The following HDAC9 variants were observed in gnomAD, a reference collection of about 807,000 sequenced individuals.
The protein encoded by HDAC9 is histone deacetylase 9, also known as MEF-2 interacting transcription repressor (MITR) protein.
In HDAC9, 41 loss-of-function variants were observed where a neutral mutation model predicts 139.4. The ratio of observed to expected loss-of-function variants is 0.29; its 90% CI spans 0.23 to 0.38. HDAC9 has a LOEUF of 0.38. Ranked by LOEUF, HDAC9 falls within the 10% of genes least tolerant of loss-of-function variation. The pLI is 1.00. For missense variants in HDAC9, 1,147 were observed against 1,297.0 expected (o/e 0.88, Z 1.78); for synonymous variants, 517 against 476.2 (o/e 1.09, Z -1.12).
At chr7:18,692,973 T>A (rs1342925674) in intron 12 of HDAC9, among the ~76,000 whole-genome samples, 1 of 152,084 alleles carries the variant, frequency 6.6e-6, no homozygotes, top group Admixed American at 6.6e-5. Context: ...CTATACTGTT[T>A]TAAAGACTAA....
At chr7:18,483,224 G>C (rs914063990) in intron 1 of HDAC9, among the ~76,000 whole-genome samples, 1 of 152,190 alleles carries the variant, frequency 6.6e-6, no homozygotes, top group Non-Finnish European at 1.5e-5. Flanking sequence ...GCTTCAATGA[G>C]TATTATGTAA....
chr7:18,511,664 T>A lies in HDAC9; in HGVS notation c.22+15340T>A, dbSNP rs568589973. Among the ~76,000 whole-genome samples the A allele has an allele frequency of 2.0e-5, 3 of 152,156 alleles. No homozygotes were observed. In the South Asian group the frequency reaches 6.2e-4, roughly 32 times the overall value. On this transcript the variant is annotated intron_variant, in intron 2 of 25. Transcript: ENST00000686413. ...TGTTTAGTGGACACAGGAGACAACA[T>A]TGTTCTATTTGATTATCTACTGCCC...
At chr7:18,796,943 A>C (rs1277433275) in intron 17 of HDAC9, among the ~76,000 whole-genome samples, 1 of 152,210 alleles carries the variant, frequency 6.6e-6, no homozygotes, top group African/African-American at 2.4e-5. Flanking sequence ...AAAACAAACA[A>C]AAACAAAAAA....
chr7:18,349,102 A>G (rs1223975385), intron 1 of HDAC9, among the ~76,000 whole-genome samples: 3 of 151,976 alleles, frequency 2.0e-5, no homozygotes, highest in Non-Finnish European at 1.5e-5. Context: ...TGGCTTCCTA[A>G]TGGTTTTCTG....
intron 2 of HDAC9, among the ~76,000 whole-genome samples, chr7:18,171,457 C>T (rs569514212): frequency 1.0e-3 from 159 of 152,214 alleles, no homozygotes; most frequent in African/African-American, 2.3e-3. Flanking sequence ...TGCCTGATTG[C>T]GCTGGCCAGA....
At chr7:18,353,422 C>T (rs118175639) in intron 1 of HDAC9, among the ~76,000 whole-genome samples, 73 of 152,216 alleles carry the variant, frequency 4.8e-4, no homozygotes, top group Non-Finnish European at 9.3e-4. Context: ...CTTTTTAGCT[C>T]TAAATCATGA....
At chr7:18,548,735 C>G (rs746316215) in intron 2 of HDAC9, among the ~76,000 whole-genome samples, 1 of 152,036 alleles carries the variant, frequency 6.6e-6, no homozygotes, top group Non-Finnish European at 1.5e-5. Context: ...AGACTGTTCA[C>G]TGAGGAGGAT....
chr7:18,987,941 A>G lies in HDAC9; in HGVS notation c.3171-8082A>G, dbSNP rs149200561. On this transcript the variant is annotated intron_variant, in intron 25 of 25. Coordinates refer to ENST00000686413, the MANE Select transcript of HDAC9 (RefSeq NM_178425.4). ...CTCTTTATCATTTTTTATCGCATCT[A>G]TTTGATTCTTCTCCCTTTTCTTCTT... is the stretch of plus-strand genomic sequence containing the variant. Among the ~76,000 whole-genome samples, 6 of 140,886 alleles carry G rather than the reference A, an allele frequency of 4.3e-5. No individual in the cohort carries two copies. In the East Asian group the frequency reaches 1.2e-3, roughly 29 times the overall value. The allele number at this position is 140,886 out of a possible 152,430, so 92.4% of individuals were successfully genotyped here. A position where few individuals can be genotyped will look rare whatever the true frequency, so the allele number is the denominator to read the frequency against.
chr7:18,335,254 T>C (rs1034061734), intron 1 of HDAC9, among the ~76,000 whole-genome samples: 2 of 151,540 alleles, frequency 1.3e-5, no homozygotes, highest in Non-Finnish European at 3.0e-5. Context: ...ATACATGTAA[T>C]GCAGGGCACA....
intron 17 of HDAC9, among the ~76,000 whole-genome samples, chr7:18,796,018 A>G (rs866139835): frequency 6.6e-6 from 1 of 152,252 alleles, no homozygotes; most frequent in Non-Finnish European, 1.5e-5. Context: ...CTGCATCTAC[A>G]TTCAGTTCTC....
intron 2 of HDAC9, among the ~76,000 whole-genome samples, chr7:18,265,451 T>G (rs1326264252): frequency 6.6e-6 from 1 of 152,158 alleles, no homozygotes; most frequent in African/African-American, 2.4e-5. Flanking sequence ...ATAGTTTTGT[T>G]CTGACGAAGC....
At chr7:18,697,079 A>G (rs1783107292) in intron 12 of HDAC9, among the ~76,000 whole-genome samples, 1 of 152,196 alleles carries the variant, frequency 6.6e-6, no homozygotes, top group African/African-American at 2.4e-5. Flanking sequence ...AGTTAAGCTA[A>G]GAGTAAACGA....
At chr7:18,989,566 C>T (rs992930252) in intron 25 of HDAC9, among the ~76,000 whole-genome samples, 4 of 150,160 alleles carry the variant, frequency 2.7e-5, no homozygotes, top group African/African-American at 4.9e-5. Flanking sequence ...ATCTTTGTGG[C>T]GTTCTCTGTA....
intron 25 of HDAC9, among the ~76,000 whole-genome samples, chr7:18,976,237 G>A (rs768276249): frequency 2.0e-5 from 3 of 152,178 alleles, no homozygotes; most frequent in Non-Finnish European, 4.4e-5. Flanking sequence ...ATAATTGAGT[G>A]CAGATCGTTA....
intron 22 of HDAC9, among the ~76,000 whole-genome samples, chr7:18,893,888 C>T (rs761641556): frequency 2.6e-5 from 4 of 152,118 alleles, no homozygotes; most frequent in African/African-American, 7.2e-5. Context: ...TAGGGAGGAA[C>T]ATTGTAGGCA....
intron 5 of HDAC9, among the ~76,000 whole-genome samples, chr7:18,592,130 T>G (rs1200266798): frequency 1.3e-5 from 2 of 152,010 alleles, no homozygotes; most frequent in East Asian, 3.9e-4. Context: ...GAATTTTGTC[T>G]CAAATGAAGA....
chr7:18,433,507 C>G (rs1421797331), intron 1 of HDAC9, among the ~76,000 whole-genome samples: 1 of 152,144 alleles, frequency 6.6e-6, no homozygotes, highest in Non-Finnish European at 1.5e-5. Context: ...GCTATAGTCT[C>G]TGCTCAAAAG....
chr7:18,849,408 C>G (rs1797123530), intron 21 of HDAC9, among the ~76,000 whole-genome samples: 1 of 152,002 alleles, frequency 6.6e-6, no homozygotes, highest in South Asian at 2.1e-4. Flanking sequence ...AGTGAATTTT[C>G]TTAGGGTAAA....
intron 1 of HDAC9, among the ~76,000 whole-genome samples, chr7:18,463,121 G>C (rs1334266063): frequency 6.6e-6 from 1 of 151,866 alleles, no homozygotes; most frequent in Non-Finnish European, 1.5e-5. Context: ...GAAATAAATT[G>C]AACTCATCCT....
Sources: gnomAD v4.1 joint callset for allele counts (sites outside exome capture counted in the v4.1 genomes callset) on GRCh38, gnomAD v4.1.1 for gene constraint, MANE v1.5 for transcripts, NCBI Gene and HGNC (gene_info 2026-07-23, HGNC 2026-07-21) for gene names.